The following CDH8 variants were observed in gnomAD, a reference collection of about 807,000 sequenced individuals.
The protein encoded by CDH8 is cadherin-8.
CDH8 carries 17 observed loss-of-function variants against 68.1 expected under a neutral mutation model. The observed-to-expected ratio is 0.25, with a 90% confidence interval of 0.17 to 0.37. The LOEUF (loss-of-function observed/expected upper bound fraction) is 0.37, where lower values mean the gene tolerates loss of function less well. CDH8 is among the 10% of genes least tolerant of loss of function. CDH8 has a pLI of 1.00. For synonymous variants in CDH8, 372 were observed against 365.1 expected (o/e 1.02, Z -0.21); for missense variants, 763 against 999.3 (o/e 0.76, Z 3.19).
At chr16:61,987,233 G>A (rs1156537535) in intron 2 of CDH8, among the ~76,000 whole-genome samples, 9 of 152,176 alleles carry the variant, frequency 5.9e-5, no homozygotes, top group South Asian at 4.1e-4. Context: ...GGCCAGGCCC[G>A]TGGCTCACAC....
chr16:61,771,319 T>C (rs976063886), intron 8 of CDH8, among the ~76,000 whole-genome samples: 2 of 151,712 alleles, frequency 1.3e-5, no homozygotes, highest in African/African-American at 2.4e-5. Context: ...CATAATTATA[T>C]TGGAAATGTG....
At chr16:61,832,009 A>G (rs1045379237) in intron 4 of CDH8, among the ~76,000 whole-genome samples, 3 of 151,732 alleles carry the variant, frequency 2.0e-5, no homozygotes, top group Admixed American at 6.6e-5. Flanking sequence ...CAATACTTCT[A>G]TAAGTGGGGG....
Position 61,809,183 on chromosome 16 carries a change from T to C in CDH8, c.1277+8296A>G, listed in dbSNP as rs552887419. Among the ~76,000 whole-genome samples, 3 of 144,894 alleles carry C rather than the reference T, an allele frequency of 2.1e-5. No individual in the cohort carries two copies. In the South Asian group the frequency reaches 6.6e-4, roughly 32 times the overall value. On this transcript the variant is annotated intron_variant, in intron 7 of 11. Transcript: ENST00000577390. ...CCTGGGCAACAAGAGCAAAACTCCA[T>C]CTCAAAAAAAAAAAAGACTTTACTA...
In CDH8 at chr16:61,859,342, G is replaced by A. The variant is rs1278660644; in HGVS notation, c.548-2104C>T. 2.6e-5 allele frequency among the ~76,000 whole-genome samples: 4 copies of A among 152,242 alleles called. No homozygotes were observed. The East Asian group carries it at 7.7e-4, about 29-fold the overall frequency. On this transcript the variant is annotated intron_variant, in intron 3 of 11. Coordinates refer to ENST00000577390, the MANE Select transcript of CDH8 (RefSeq NM_001796.5). Reference sequence around the variant, plus strand: ...AAAAGGAAGATAGTGAGATAAAATTGCCAAAAAATACTCAGAAAGAGGGAT... The same window carrying A: ...AAAAGGAAGATAGTGAGATAAAATTACCAAAAAATACTCAGAAAGAGGGAT...
At chr16:61,749,694 T>G (rs1250844224) in intron 8 of CDH8, among the ~76,000 whole-genome samples, 1 of 152,030 alleles carries the variant, frequency 6.6e-6, no homozygotes, top group East Asian at 1.9e-4. Flanking sequence ...GAGTTAGCCC[T>G]TGTTTATTTG....
intron 2 of CDH8, among the ~76,000 whole-genome samples, chr16:61,988,593 AC>A: frequency 6.6e-6 from 1 of 152,082 alleles, no homozygotes; most frequent in Non-Finnish European, 1.5e-5. Context: ...ACAAAAACAA[AC>A]AAACAAACAA....
intron 7 of CDH8, among the ~76,000 whole-genome samples, chr16:61,803,530 TAA>T (rs1483943822): frequency 5.3e-5 from 8 of 151,822 alleles, no homozygotes; most frequent in African/African-American, 1.9e-4. Context: ...GCAAATTGGA[TAA>T]AGAGTCAAGA....
chr16:61,796,189 A>C (rs892914094), intron 7 of CDH8, among the ~76,000 whole-genome samples: 6 of 152,074 alleles, frequency 3.9e-5, no homozygotes, highest in Admixed American at 1.3e-4. Flanking sequence ...AGAGAGAAAA[A>C]GAGAAAGAAA....
At chr16:61,887,453 C>G (rs1003133426) in intron 3 of CDH8, among the ~76,000 whole-genome samples, 1 of 152,198 alleles carries the variant, frequency 6.6e-6, no homozygotes, top group Non-Finnish European at 1.5e-5. Flanking sequence ...GGTCAAGATG[C>G]TGGCAGACTT....
intron 10 of CDH8, among the ~76,000 whole-genome samples, chr16:61,689,216 T>G (rs962780357): frequency 6.6e-6 from 1 of 152,084 alleles, no homozygotes; most frequent in African/African-American, 2.4e-5. Flanking sequence ...AATGACATAC[T>G]AAGAGCTTTA....
intron 8 of CDH8, among the ~76,000 whole-genome samples, chr16:61,736,736 CA>C (rs1208344731): frequency 6.6e-6 from 1 of 151,958 alleles, no homozygotes; most frequent in African/African-American, 2.4e-5. Flanking sequence ...GATAGCAGTT[CA>C]AATTTTAAAG....
At chr16:62,008,257 A>T (rs986311763) in intron 2 of CDH8, among the ~76,000 whole-genome samples, 1 of 152,038 alleles carries the variant, frequency 6.6e-6, no homozygotes, top group Non-Finnish European at 1.5e-5. Context: ...CTTATGTTGT[A>T]TCACTTGTAG....
At chr16:61,808,039 C>T (rs753467192) in intron 7 of CDH8, among the ~76,000 whole-genome samples, 2 of 152,124 alleles carry the variant, frequency 1.3e-5, no homozygotes. Flanking sequence ...ATGCAAAAAG[C>T]ACTGTACTAA....
chr16:61,838,202 C>G (rs757968027), intron 4 of CDH8, among the ~76,000 whole-genome samples: 6 of 152,088 alleles, frequency 3.9e-5, no homozygotes, highest in Non-Finnish European at 8.8e-5. Context: ...CATGACTCTC[C>G]TTTGGCTTAC....
intron 4 of CDH8, among the ~76,000 whole-genome samples, chr16:61,848,193 G>C (rs1962855114): frequency 6.6e-6 from 1 of 152,062 alleles, no homozygotes; most frequent in African/African-American, 2.4e-5. Context: ...TACCTGGTGT[G>C]TTCACATTGG....
chr16:61,737,211 C>T (rs1003406318), intron 8 of CDH8, among the ~76,000 whole-genome samples: 4 of 151,988 alleles, frequency 2.6e-5, no homozygotes, highest in South Asian at 4.2e-4. Context: ...TTGCAGGCAT[C>T]GATTGAAATA....
chr16:61,653,683 G>A lies in CDH8; in HGVS notation c.2325C>T (p.Tyr775=), dbSNP rs765782647. The A allele has an allele frequency of 6.2e-7, 1 of 1,614,158 alleles. No individual in the cohort carries two copies. The highest frequency in any genetic ancestry group is 8.5e-7 in the Non-Finnish European group (1 of 1,180,018). The change falls in exon 12 of 12, where the codon TAC becomes TAT. Residue 775 remains tyrosine (Y), a synonymous_variant. Coordinates refer to ENST00000577390, the MANE Select transcript of CDH8 (RefSeq NM_001796.5). ...TAAAGCGGGGACCCCAGTCACTGAG[G>A]TAGTCAAAATTCTGGTCTGAGTCTG... ...TTSDSDQNFD[Y]LSDWGPRFKR...
intron 10 of CDH8, among the ~76,000 whole-genome samples, chr16:61,671,786 T>C (rs947611996): frequency 6.6e-6 from 1 of 152,060 alleles, no homozygotes; most frequent in African/African-American, 2.4e-5. Flanking sequence ...AGAATGACTT[T>C]ACATTAAGGT....
At chr16:61,839,452 T>C (rs1432026346) in intron 4 of CDH8, among the ~76,000 whole-genome samples, 2 of 152,186 alleles carry the variant, frequency 1.3e-5, no homozygotes, top group Non-Finnish European at 2.9e-5. Context: ...GATCTGGTAT[T>C]ATGAAGAAAT....
Sources: gnomAD v4.1 joint callset for allele counts (sites outside exome capture counted in the v4.1 genomes callset) on GRCh38, gnomAD v4.1.1 for gene constraint, MANE v1.5 for transcripts, NCBI Gene and HGNC (gene_info 2026-07-23, HGNC 2026-07-21) for gene names.